GGCX: variants seen among roughly 807,000 people sequenced by gnomAD.
GGCX encodes vitamin K-dependent gamma-carboxylase.
GGCX carries 63 observed loss-of-function variants against 88.5 expected under a neutral mutation model. The ratio of observed to expected loss-of-function variants is 0.71; its 90% CI spans 0.58 to 0.88. The LOEUF is 0.88. GGCX is among the 40% of genes least tolerant of loss of function. The pLI is 0.00. For synonymous variants in GGCX, 368 were observed against 365.8 expected (o/e 1.01, Z -0.07); for missense variants, 805 against 932.9 (o/e 0.86, Z 1.79).
chr2:85,558,900 C>A lies in GGCX; in HGVS notation c.373+17G>T. The A allele has an allele frequency of 6.2e-7, 1 of 1,611,066 alleles. No individual in the cohort carries two copies. Among genetic ancestry groups the A allele is most frequent in the Non-Finnish European group, 8.5e-7 (1 of 1,177,204 alleles). On this transcript the variant is annotated intron_variant, in intron 3 of 14. Transcript: ENST00000233838. ...GTTTCTGGCAGGCCAGTCAATATTT[C>A]CCACAGTTCCCCTCACCCAGAAACA... is the stretch of plus-strand genomic sequence containing the variant.
At chr2:85,554,754 C>T in intron 6 of GGCX, 1 of 262,900 alleles carries the variant, frequency 3.8e-6, no homozygotes, top group Non-Finnish European at 7.5e-6. Context: ...AGGCATGAGC[C>T]ACCATGCCCA....
intron 10 of GGCX, 116 bp downstream of exon 10, chr2:85,552,300 A>ATGCACTAGAGGAAGGACAGCTTTT (rs1691997405): frequency 9.9e-7 from 1 of 1,015,084 alleles, no homozygotes; most frequent in African/African-American, 1.6e-5. Flanking sequence ...CAAGGGGGAC[A>ATGCACTAGAGGAAGGACAGCTTTT]TGCACTAGAG....
At chr2:85,561,027 CT>C in intron 1 of GGCX, 42 bp from the exon 2 acceptor site, 1 of 1,524,410 alleles carries the variant, frequency 6.6e-7, no homozygotes, top group Non-Finnish European at 9.1e-7. Context: ...CGGGGGTGGG[CT>C]CCACCTCAAA....
rs60769490 is a variant in GGCX at position 85,554,454 on chromosome 2, T to TTTGTTGTTGTTGTTGTTG, written c.726-166_726-149dup. 1,766 of 645,688 alleles carry TTTGTTGTTGTTGTTGTTG rather than the reference T, an allele frequency of 2.7e-3. 21 individuals are homozygous for TTTGTTGTTGTTGTTGTTG. The highest frequency in any genetic ancestry group is 0.027 in the African/African-American group (1,426 of 53,576). The allele number at this position is 645,688 out of a possible 1,614,324, so 40.0% of individuals were successfully genotyped here. A position where few individuals can be genotyped will look rare whatever the true frequency, so the allele number is the denominator to read the frequency against. ...CCCATGAAGACACTCCTCTAGGTTG[T>TTTGTTGTTGTTGTTGTTG]TTGTTGTTGTTGTTGTTGTTGTTGT... On this transcript the variant is annotated intron_variant, in intron 6 of 14. Coordinates refer to ENST00000233838, the MANE Select transcript of GGCX (RefSeq NM_000821.7).
At position 85,559,193 on chromosome 2, in the gene GGCX, C is replaced by T. The variant is rs1026957955; in HGVS notation, c.215-118G>A. On this transcript the variant is annotated intron_variant, in intron 2 of 14. Transcript: ENST00000233838. ...TCAGACTTCTTTTCTAATCTTGGCT[C>T]TGCCATTTATTCAGTATTAATTATT... 5.9e-6 allele frequency: 5 copies of T among 842,860 alleles called. No individual in the cohort carries two copies. The Admixed American group carries it at 6.0e-5, about 10-fold the overall frequency. The allele number at this position is 842,860 out of a possible 1,614,324, so 52.2% of individuals were successfully genotyped here. A position where few individuals can be genotyped will look rare whatever the true frequency, so the allele number is the denominator to read the frequency against.
intron 6 of GGCX, chr2:85,555,280 C>G: frequency 1.9e-6 from 1 of 522,802 alleles, no homozygotes; most frequent in Non-Finnish European, 3.5e-6. Flanking sequence ...TCTTGCCTAT[C>G]TATACCATAT....
chr2:85,560,595 G>A (rs1018630904), intron 2 of GGCX, among the ~76,000 whole-genome samples: 6 of 150,484 alleles, frequency 4.0e-5, no homozygotes, highest in African/African-American at 9.9e-5. Flanking sequence ...AAGAGCGAAA[G>A]TCCGTCTAAG....
intron 2 of GGCX, among the ~76,000 whole-genome samples, chr2:85,560,587 G>A (rs909746883): frequency 6.6e-6 from 1 of 150,690 alleles, no homozygotes; most frequent in Non-Finnish European, 1.5e-5. Context: ...TGGGCAACAA[G>A]AGCGAAAGTC....
chr2:85,560,857 G>C lies in GGCX; in HGVS notation c.172C>G (p.Pro58Ala). 6.2e-7 allele frequency: 1 copy of C among 1,614,122 alleles called. No homozygotes were observed. The highest frequency in any genetic ancestry group is 8.5e-7 in the Non-Finnish European group (1 of 1,179,988). The change falls in exon 2 of 15, where the codon CCA becomes GCA. Residue 58 changes from proline to alanine, a missense_variant. Around this residue, in one of 3 missense-constraint regions of GGCX, gnomAD observed 61 missense variants for 111.9 expected, o/e 0.54. Coordinates refer to ENST00000233838, the MANE Select transcript of GGCX (RefSeq NM_000821.7). ...ACAGCTAAGCTTGCAGGGTCCGTTG[G>C]TCGATTCAGCAGGGTCACCAGCCTC... ...WRRLVTLLNR[P>A]TDPASLAVFR... is the part of the protein sequence containing the mutation.
chr2:85,558,512 G>A lies in GGCX; in HGVS notation c.467C>T (p.Ser156Leu), dbSNP rs773755714. 1 of 1,613,370 alleles carries A rather than the reference G, an allele frequency of 6.2e-7. No individual in the cohort carries two copies. The highest frequency in any genetic ancestry group is 2.2e-5 in the East Asian group (1 of 44,882). ...ATACAGATAGGAGTGGTTGTTCCAT[G>A]ATGTCTTGTCCAGGAGAAACACATA... ...YWYVFLLDKTSWNNHSYLYGL... is the reference protein window; with the variant it reads ...YWYVFLLDKTLWNNHSYLYGL... The change falls in exon 4 of 15, where the codon TCA (serine) becomes TTA (leucine). Residue 156 changes from serine to leucine, a missense_variant. Around this residue, in one of 3 missense-constraint regions of GGCX, gnomAD observed 680 missense variants for 763.7 expected, o/e 0.89. Transcript: ENST00000233838.
In GGCX at chr2:85,552,579, C is replaced by A; in HGVS notation, c.1288-12G>T. 6.2e-7 allele frequency: 1 copy of A among 1,612,392 alleles called. No homozygotes were observed. Among genetic ancestry groups the A allele is most frequent in the East Asian group, 2.2e-5 (1 of 44,870 alleles). ...CTCTGTGTAAATACCTGCCCCAAAC[C>A]CCCATATTAGTCCCACCTCATCATT... On this transcript the variant is annotated splice_polypyrimidine_tract_variant and intron_variant, in intron 9 of 14. Transcript: ENST00000233838.
intron 2 of GGCX, 86 bp from the exon 3 acceptor site, chr2:85,559,161 T>A (rs1462758039): frequency 9.0e-7 from 1 of 1,116,882 alleles, no homozygotes; most frequent in Non-Finnish European, 1.4e-6. Flanking sequence ...AGTGTGCAGC[T>A]CCAGGGTCAG....
Position 85,553,008 on chromosome 2 carries a change from G to A in GGCX, c.1218C>T (p.Arg406=), listed in dbSNP as rs2592551. ...AGGTGATCTTCACGTGCTGGTGGGA[G>A]CGGGAGTGCACCATCATGTCCCAGG... is the stretch of plus-strand genomic sequence containing the variant. ...GYSWDMMVHS[R]SHQHVKITYR... The change falls in exon 9 of 15, where the codon CGC becomes CGT. Residue 406 remains arginine, a synonymous_variant. Transcript: ENST00000233838. The A allele has an allele frequency of 0.28, 445,725 of 1,613,452 alleles. 62,960 individuals carry two copies. The highest frequency in any genetic ancestry group is 0.36 in the African/African-American group (26,839 of 74,932).
At position 85,551,029 on chromosome 2, in the gene GGCX, C is replaced by A; in HGVS notation, c.1784G>T (p.Ser595Ile). ...EYHKVYTTSP[S>I]PSCYMYVYVN... is the part of the protein sequence containing the mutation. ...ATAGACGTACATGTAGCAAGAAGGG[C>A]TAGGTGATGTCGTATACACCTTATG... Residue 595 changes from serine to isoleucine, a missense_variant, in exon 13 of 15, where the codon AGC becomes ATC. Around this residue, in one of 3 missense-constraint regions of GGCX, gnomAD observed 680 missense variants for 763.7 expected, o/e 0.89. Transcript: ENST00000233838. 2 of 1,613,754 alleles carry A rather than the reference C, an allele frequency of 1.2e-6. No homozygotes were observed. The highest frequency in any genetic ancestry group is 8.5e-7 in the Non-Finnish European group (1 of 1,179,616).
chr2:85,554,208 G>A lies in GGCX; in HGVS notation c.824C>T (p.Ser275Leu), dbSNP rs765065908. The A allele has an allele frequency of 1.2e-6, 2 of 1,613,012 alleles. No homozygotes were observed. The highest frequency in any genetic ancestry group is 4.5e-5 in the East Asian group (2 of 44,874). The change falls in exon 7 of 15, where the codon TCA (serine) becomes TTA (leucine). Residue 275 changes from serine (S) to leucine (L), a missense_variant. Ser to Leu is a moderately radical substitution (Grantham distance 145). Coordinates refer to ENST00000233838, the MANE Select transcript of GGCX (RefSeq NM_000821.7). ...CACAAAGAACAGGCCAATGGATCTT[G>A]AGACATCAAAAAAGAGCAGGAAACC... is the stretch of plus-strand genomic sequence containing the variant. Reference protein sequence around the residue: ...SAGFLLFFDVSRSIGLFFVSY... With the variant: ...SAGFLLFFDVLRSIGLFFVSY...
chr2:85,553,745 A>G (rs1460112558), intron 7 of GGCX: 3 of 516,302 alleles, frequency 5.8e-6, no homozygotes, highest in East Asian at 3.6e-5. Context: ...AATTACAGGC[A>G]TGCGCCACCA....
chr2:85,550,655 G>A lies in GGCX; in HGVS notation c.1984C>T (p.Arg662Cys), dbSNP rs760354977. Residue 662 changes from arginine (R) to cysteine (C), a missense_variant, in exon 14 of 15, where the codon CGC becomes TGC. Arg to Cys is a radical substitution (Grantham distance 180, BLOSUM62 -3). Coordinates refer to ENST00000233838, the MANE Select transcript of GGCX (RefSeq NM_000821.7). The stretch of plus-strand genomic sequence containing the variant: ...TCAATCTCCTGGAGCCTTTGTTGGC[G>A]TCTAAGAAAGGTCTGAACCAGAGGT... ...PTPLVQTFLR[R>C]QQRLQEIERR... is the part of the protein sequence containing the mutation. 9.9e-6 allele frequency: 16 copies of A among 1,613,614 alleles called. No homozygotes were observed. Among genetic ancestry groups the A allele is most frequent in the South Asian group, 2.2e-5 (2 of 91,074 alleles).
chr2:85,551,104 T>G, intron 12 of GGCX, 32 bp from the exon 13 acceptor site: 2 of 1,605,454 alleles, frequency 1.2e-6, no homozygotes, highest in Non-Finnish European at 1.7e-6. Flanking sequence ...ATAAATTTCA[T>G]CAGCTTTTCT....
At position 85,546,816 on chromosome 2, in the gene GGCX, GT is replaced by G. The variant is rs1691689187; in HGVS notation, c.*3117del. 1 of 152,224 alleles carries G rather than the reference GT, an allele frequency of 6.6e-6. No individual in the cohort carries two copies. The highest frequency in any genetic ancestry group is 2.1e-4 in the South Asian group (1 of 4,828). The allele number at this position is 152,224 out of a possible 1,614,324, so 9.4% of individuals were successfully genotyped here. Reference sequence around the variant, plus strand: ...CCTGAATTTTGCATGTAATTGAAATGTTCCAGAACAAGTCTGGCAGTTTCAT... The same window carrying G: ...CCTGAATTTTGCATGTAATTGAAATGTCCAGAACAAGTCTGGCAGTTTCAT... On this transcript the variant is annotated 3_prime_UTR_variant, in exon 15 of 15. Coordinates refer to ENST00000233838, the MANE Select transcript of GGCX (RefSeq NM_000821.7).
Sources: allele counts gnomAD v4.1 joint callset (sites outside exome capture counted in the v4.1 genomes callset), GRCh38; gene constraint gnomAD v4.1.1; regional missense constraint gnomAD v4.1.1; transcripts MANE v1.5; gene names NCBI Gene and HGNC (gene_info 2026-07-23, HGNC 2026-07-21).